Variants in DNAJC1 observed in about 807,000 individuals in gnomAD.
DNAJC1 encodes the protein dnaJ homolog subfamily C member 1.
A neutral mutation model predicts 76.6 loss-of-function variants in DNAJC1; 58 were observed. The observed-to-expected ratio is 0.76, with a 90% CI of 0.61 to 0.94. The LOEUF (loss-of-function observed/expected upper bound fraction) is 0.94. DNAJC1 is among the 40% of genes least tolerant of loss of function. DNAJC1 has a pLI of 0.00. For missense variants in DNAJC1, 689 were observed against 677.3 expected, an observed-to-expected ratio of 1.02 and a Z score of -0.19; for synonymous variants, 258 against 267.9, an observed-to-expected ratio of 0.96 and a Z score of 0.36.
At chr10:21,761,562 A>C (rs1834241592) in intron 10 of DNAJC1, among the ~76,000 whole-genome samples, 1 of 151,790 alleles carries the variant, frequency 6.6e-6, no homozygotes. Flanking sequence ...AAAAAAAAAA[A>C]AAAAATCTAG....
rs147924965 is a variant in DNAJC1 at position 21,871,889 on chromosome 10, C to T, written c.978+10393G>A. Among the ~76,000 whole-genome samples the T allele has an allele frequency of 3.2e-4, 48 of 151,936 alleles. No individual in the cohort carries two copies. The East Asian group carries it at 8.9e-3, about 28-fold the overall frequency. On this transcript the variant is annotated intron_variant, in intron 8 of 11. Transcript: ENST00000376980. Reference sequence around the variant, plus strand: ...GCCTCGAGTGATCCTCCTGCCTCAGCTTCCCAAAGTGCTGAGATTACAGGT... The same window carrying T: ...GCCTCGAGTGATCCTCCTGCCTCAGTTTCCCAAAGTGCTGAGATTACAGGT...
chr10:21,894,801 T>TA (rs1383407784), intron 7 of DNAJC1, among the ~76,000 whole-genome samples: 2 of 152,140 alleles, frequency 1.3e-5, no homozygotes, highest in Non-Finnish European at 2.9e-5. Context: ...TTAAAGCCCT[T>TA]ACAAAAGAGG....
chr10:21,761,395 A>C (rs1564779462), intron 10 of DNAJC1, among the ~76,000 whole-genome samples: 1 of 151,938 alleles, frequency 6.6e-6, no homozygotes, highest in African/African-American at 2.4e-5. Flanking sequence ...CCCTGTCTCT[A>C]CAAAAATGCA....
At chr10:21,927,703 A>ATG (rs534837936) in intron 3 of DNAJC1, among the ~76,000 whole-genome samples, 22 of 151,912 alleles carry the variant, frequency 1.4e-4, no homozygotes, top group Admixed American at 1.3e-4. Context: ...TGTTTTAGTT[A>ATG]TGTGTGTGTG....
At chr10:21,920,087 T>C (rs1234133726) in intron 4 of DNAJC1, among the ~76,000 whole-genome samples, 158 bp from the exon 5 acceptor site, 5 of 151,986 alleles carry the variant, frequency 3.3e-5, no homozygotes, top group Non-Finnish European at 7.4e-5. Context: ...TCTTTCACAA[T>C]AACTGTTGCC....
intron 8 of DNAJC1, among the ~76,000 whole-genome samples, chr10:21,852,587 G>A (rs1041606800): frequency 9.9e-5 from 15 of 152,190 alleles, no homozygotes; most frequent in Non-Finnish European, 1.9e-4. Flanking sequence ...AGTGTTGTCA[G>A]GGTGTGGAGC....
chr10:21,770,115 A>T (rs1354382230), intron 9 of DNAJC1, among the ~76,000 whole-genome samples: 2 of 152,088 alleles, frequency 1.3e-5, no homozygotes, highest in African/African-American at 4.8e-5. Context: ...TCCTTCCCCA[A>T]CGAGTTGCTT....
At chr10:21,818,509 C>T (rs1163158789) in intron 8 of DNAJC1, among the ~76,000 whole-genome samples, 1 of 152,076 alleles carries the variant, frequency 6.6e-6, no homozygotes, top group Non-Finnish European at 1.5e-5. Flanking sequence ...CCTCTGTGAC[C>T]CACACCCTTT....
intron 1 of DNAJC1, among the ~76,000 whole-genome samples, chr10:21,994,989 CAACT>C (rs1838392892): frequency 6.7e-6 from 1 of 149,290 alleles, no homozygotes; most frequent in Admixed American, 6.7e-5. Context: ...ACTTAATCAC[CAACT>C]ATCAATACAA....
intron 5 of DNAJC1, among the ~76,000 whole-genome samples, chr10:21,919,114 G>A (rs1465813574): frequency 6.6e-6 from 1 of 152,004 alleles, no homozygotes; most frequent in African/African-American, 2.4e-5. Context: ...TTTTGGGGAA[G>A]GAGGCTCCTA....
At chr10:21,920,248 A>G (rs1837019383) in intron 4 of DNAJC1, among the ~76,000 whole-genome samples, 1 of 152,102 alleles carries the variant, frequency 6.6e-6, no homozygotes. Context: ...AGGAATGAGT[A>G]AACAGATGCT....
chr10:21,909,639 C>T (rs191546579), intron 6 of DNAJC1, among the ~76,000 whole-genome samples: 3 of 152,256 alleles, frequency 2.0e-5, no homozygotes, highest in Admixed American at 6.5e-5. Flanking sequence ...CCCTATATTC[C>T]GCTGTCCTCT....
In DNAJC1 at chr10:22,003,357, C is replaced by T; in HGVS notation, c.78G>A (p.Pro26=). The T allele has an allele frequency of 1.4e-6, 2 of 1,413,230 alleles. No homozygotes were observed. The highest frequency in any genetic ancestry group is 1.8e-6 in the Non-Finnish European group (2 of 1,087,306). The allele number at this position is 1,413,230 out of a possible 1,614,324, so 87.5% of individuals were successfully genotyped here. Residue 26 remains proline (P), a synonymous_variant, in exon 1 of 12, where the codon CCG becomes CCA. Coordinates refer to ENST00000376980, the MANE Select transcript of DNAJC1 (RefSeq NM_022365.4). ...QLGLVPFPPP[P]PRTPLLWLLL... Reference sequence around the variant, plus strand: ...GCAGCCACAGCAGCGGCGTCCGCGGCGGCGGCGGCGGGAACGGCACCAGCC... The same window carrying T: ...GCAGCCACAGCAGCGGCGTCCGCGGTGGCGGCGGCGGGAACGGCACCAGCC...
intron 6 of DNAJC1, among the ~76,000 whole-genome samples, chr10:21,910,449 C>T (rs1184474742): frequency 6.6e-6 from 1 of 152,146 alleles, no homozygotes; most frequent in East Asian, 1.9e-4. Context: ...GATAAGAGAA[C>T]ATGCTAAGGT....
Position 22,003,327 on chromosome 10 carries a change from C to A in DNAJC1, c.108G>T (p.Leu36=). The A allele has an allele frequency of 6.6e-7, 1 of 1,516,630 alleles. No homozygotes were observed. Among genetic ancestry groups the A allele is most frequent in the Admixed American group, 2.1e-5 (1 of 46,978 alleles). The allele number at this position is 1,516,630 out of a possible 1,614,324, so 93.9% of individuals were successfully genotyped here. A position where few individuals can be genotyped will look rare whatever the true frequency, so the allele number is the denominator to read the frequency against. ...CCGGCGCCACGGCGGCCAGCAGCAG[C>A]AGCAGCAGCCACAGCAGCGGCGTCC... ...PPRTPLLWLL[L]LLLAAVAPAR... The change falls in exon 1 of 12, where the codon CTG becomes CTT. Residue 36 remains leucine, a synonymous_variant. Coordinates refer to ENST00000376980, the MANE Select transcript of DNAJC1 (RefSeq NM_022365.4).
chr10:21,874,432 TAAAAA>T (rs529885111), intron 8 of DNAJC1, among the ~76,000 whole-genome samples: 1 of 129,312 alleles, frequency 7.7e-6, no homozygotes, highest in Admixed American at 7.9e-5. Flanking sequence ...ACCTGGTCTG[TAAAAA>T]AAAAAAAAAA....
rs1468463959 is a variant in DNAJC1, at chr10:21,805,998, C to T, written c.1080G>A (p.Leu360=). The part of the protein sequence containing the change: ...PGRWEKIAHE[L]GRSVTDVTTK... Reference sequence around the variant, plus strand: ...AACTCACATCTGTCACAGATCGACCCAATTCGTGGGCAATCTTTTCCCATC... The same window carrying T: ...AACTCACATCTGTCACAGATCGACCTAATTCGTGGGCAATCTTTTCCCATC... The change falls in exon 9 of 12, where the codon TTG becomes TTA. Residue 360 remains leucine (L), a synonymous_variant. Coordinates refer to ENST00000376980, the MANE Select transcript of DNAJC1 (RefSeq NM_022365.4). 1 of 1,611,354 alleles carries T rather than the reference C, an allele frequency of 6.2e-7. No homozygotes were observed. Among genetic ancestry groups the T allele is most frequent in the Non-Finnish European group, 8.5e-7 (1 of 1,179,506 alleles).
chr10:21,830,643 ATC>A, intron 8 of DNAJC1, among the ~76,000 whole-genome samples: 1 of 152,262 alleles, frequency 6.6e-6, no homozygotes, highest in South Asian at 2.1e-4. Context: ...ATTCTGAAAA[ATC>A]TGTCTTTTTA....
intron 1 of DNAJC1, among the ~76,000 whole-genome samples, chr10:21,993,489 G>A (rs562202755): frequency 5.9e-5 from 9 of 152,232 alleles, no homozygotes; most frequent in African/African-American, 2.2e-4. Context: ...TCTCTGACTC[G>A]TATTTTGTTT....
Sources: gnomAD v4.1 joint callset for allele counts (sites outside exome capture counted in the v4.1 genomes callset) on GRCh38, gnomAD v4.1.1 for gene constraint, MANE v1.5 for transcripts, NCBI Gene and HGNC (gene_info 2026-07-23, HGNC 2026-07-21) for gene names.